PLPPR1: variants seen among roughly 807,000 people sequenced by gnomAD.
PLPPR1 encodes the protein phospholipid phosphatase-related protein type 1.
In PLPPR1, 10 loss-of-function variants were observed where a neutral mutation model predicts 33.1. The ratio of observed to expected loss-of-function variants is 0.30; its 90% CI spans 0.19 to 0.51. The LOEUF is 0.51. Ranked by LOEUF, PLPPR1 falls within the 20% of genes least tolerant of loss-of-function variation. The probability of loss-of-function intolerance (pLI) is 0.97; values close to 1 mark genes in which losing one functional copy is unlikely to be tolerated. For synonymous variants in PLPPR1, 151 were observed against 151.0 expected (o/e 1.00, Z 0.00); for missense variants, 304 against 408.1 (o/e 0.74, Z 2.20).
At chr9:101,262,231 A>G (rs1382896962) in intron 2 of PLPPR1, among the ~76,000 whole-genome samples, 1 of 152,198 alleles carries the variant, frequency 6.6e-6, no homozygotes, top group Non-Finnish European at 1.5e-5. Context: ...AGCATTAGGT[A>G]CTATAGTATT....
intron 6 of PLPPR1, 26 bp from the exon 7 acceptor site, chr9:101,317,337 CCA>C (rs771400103): frequency 7.9e-5 from 127 of 1,607,076 alleles, no homozygotes; most frequent in South Asian, 2.3e-4. Flanking sequence ...CAGTCTGACC[CCA>C]TTCTTTTTTC....
At chr9:101,110,471 A>G (rs1831042311) in intron 1 of PLPPR1, among the ~76,000 whole-genome samples, 1 of 152,192 alleles carries the variant, frequency 6.6e-6, no homozygotes, top group Non-Finnish European at 1.5e-5. Flanking sequence ...ACATTTACAC[A>G]AATTTGCAAA....
intron 3 of PLPPR1, among the ~76,000 whole-genome samples, chr9:101,270,526 A>G (rs1828077340): frequency 6.6e-6 from 1 of 152,166 alleles, no homozygotes; most frequent in Non-Finnish European, 1.5e-5. Context: ...GACACCAGAG[A>G]TGAGAGAAAT....
chr9:101,092,558 C>T (rs1028234090), intron 1 of PLPPR1, among the ~76,000 whole-genome samples: 1 of 152,120 alleles, frequency 6.6e-6, no homozygotes, highest in Non-Finnish European at 1.5e-5. Context: ...CCTCTCTGTG[C>T]CCCATGCACA....
intron 3 of PLPPR1, among the ~76,000 whole-genome samples, chr9:101,280,949 G>A (rs1194340557): frequency 6.6e-6 from 1 of 151,856 alleles, no homozygotes; most frequent in Non-Finnish European, 1.5e-5. Flanking sequence ...AAGAAAGAAG[G>A]AACATCCAAA....
chr9:101,322,452 G>A (rs1829172157), intron 7 of PLPPR1: 2 of 151,952 alleles, frequency 1.3e-5, no homozygotes, highest in African/African-American at 4.8e-5. Context: ...TGCTGCTAAA[G>A]TTTCTATTAT....
At chr9:101,257,683 G>GTGAT (rs1336772978) in intron 2 of PLPPR1, among the ~76,000 whole-genome samples, 2 of 152,030 alleles carry the variant, frequency 1.3e-5, no homozygotes, top group Non-Finnish European at 2.9e-5. Flanking sequence ...GAATATTCTG[G>GTGAT]TGATAGAAAA....
At chr9:101,110,017 C>T (rs771428201) in intron 1 of PLPPR1, among the ~76,000 whole-genome samples, 1 of 152,110 alleles carries the variant, frequency 6.6e-6, no homozygotes, top group Non-Finnish European at 1.5e-5. Context: ...AACAGTTAGT[C>T]ATTTTCAACA....
At chr9:101,078,993 T>C in intron 1 of PLPPR1, among the ~76,000 whole-genome samples, 1 of 152,168 alleles carries the variant, frequency 6.6e-6, no homozygotes, top group Admixed American at 6.5e-5. Context: ...TTAAAAATAG[T>C]GTTTTGAAAA....
intron 1 of PLPPR1, among the ~76,000 whole-genome samples, chr9:101,177,869 A>G (rs1342674976): frequency 1.3e-5 from 2 of 152,152 alleles, no homozygotes; most frequent in African/African-American, 4.8e-5. Flanking sequence ...TATTTTTTAC[A>G]TCATAAATTG....
intron 1 of PLPPR1, among the ~76,000 whole-genome samples, chr9:101,100,108 AT>A (rs1030587053): frequency 1.3e-5 from 2 of 152,006 alleles, no homozygotes; most frequent in African/African-American, 4.8e-5. Context: ...CATTTTAGGC[AT>A]TTTTTTTCTT....
intron 7 of PLPPR1, chr9:101,322,529 G>C (rs1829176075): frequency 6.6e-6 from 1 of 152,124 alleles, no homozygotes; most frequent in Admixed American, 6.5e-5. Context: ...AGATTGAATA[G>C]AGGAGTAATG....
At chr9:101,177,905 T>C (rs1221004671) in intron 1 of PLPPR1, among the ~76,000 whole-genome samples, 26 of 152,206 alleles carry the variant, frequency 1.7e-4, no homozygotes, top group Non-Finnish European at 1.0e-4. Context: ...ATTGGTATAA[T>C]AATAGTAAGG....
chr9:101,036,927 C>G (rs779187245), intron 1 of PLPPR1, among the ~76,000 whole-genome samples: 3 of 152,182 alleles, frequency 2.0e-5, no homozygotes, highest in Non-Finnish European at 4.4e-5. Context: ...AAGAGCTTAC[C>G]TAAGCTCTCA....
At chr9:101,145,497 T>G (rs1182953741) in intron 1 of PLPPR1, among the ~76,000 whole-genome samples, 1 of 152,030 alleles carries the variant, frequency 6.6e-6, no homozygotes, top group Admixed American at 6.6e-5. Context: ...TTCTCCTGCC[T>G]CCTCCTCCTG....
At chr9:101,179,528 C>T (rs1188906390) in intron 1 of PLPPR1, among the ~76,000 whole-genome samples, 2 of 152,116 alleles carry the variant, frequency 1.3e-5, no homozygotes. Flanking sequence ...GATTTATTGA[C>T]TTCATATCAG....
At chr9:101,218,316 A>T (rs1451321990) in intron 2 of PLPPR1, among the ~76,000 whole-genome samples, 1 of 152,194 alleles carries the variant, frequency 6.6e-6, no homozygotes, top group African/African-American at 2.4e-5. Context: ...TAATATAAAA[A>T]CTATTGTATG....
intron 2 of PLPPR1, among the ~76,000 whole-genome samples, chr9:101,247,658 C>T (rs1197360992): frequency 2.0e-5 from 3 of 152,094 alleles, no homozygotes; most frequent in South Asian, 2.1e-4. Flanking sequence ...AACAAGCACA[C>T]GTAGAGCATT....
At position 101,234,480 on chromosome 9, in the gene PLPPR1, C is replaced by G. The variant is rs116438498; in HGVS notation, c.64-35400C>G. ...AAAAATGCAGAGCCAATAGCCCTCC[C>G]TTTTATTGACTTGGTTCGTATCATG... On this transcript the variant is annotated intron_variant, in intron 2 of 7. Transcript: ENST00000374874. Among the ~76,000 whole-genome samples the G allele has an allele frequency of 6.4e-3, 978 of 151,820 alleles. 9 individuals are homozygous for G. Among genetic ancestry groups the G allele is most frequent in the African/African-American group, 0.022 (927 of 41,448 alleles).
Sources: allele counts gnomAD v4.1 joint callset (sites outside exome capture counted in the v4.1 genomes callset), GRCh38; gene constraint gnomAD v4.1.1; transcripts MANE v1.5; gene names NCBI Gene and HGNC (gene_info 2026-07-23, HGNC 2026-07-21).